SNURF: variants seen among roughly 807,000 people sequenced by gnomAD.
SNURF encodes SNURF protein.
A neutral mutation model predicts 11.6 loss-of-function variants in SNURF; 6 were observed. That is an observed-to-expected ratio of 0.52 (90% CI 0.28 to 1.02). The LOEUF (loss-of-function observed/expected upper bound fraction) is 1.02, where lower values mean the gene tolerates loss of function less well. Among genes scored for constraint, SNURF ranks in the 50% least tolerant of loss-of-function variants. The probability of loss-of-function intolerance (pLI) is 0.09; values close to 1 mark genes in which losing one functional copy is unlikely to be tolerated. For synonymous variants in SNURF, 29 were observed against 31.6 expected (o/e 0.92, Z 0.27); for missense variants, 84 against 88.4 (o/e 0.95, Z 0.20).
At chr15:24,961,723 A>AT (rs946538704) in intron 1 of SNURF, among the ~76,000 whole-genome samples, 1 of 152,094 alleles carries the variant, frequency 6.6e-6, no homozygotes, top group Non-Finnish European at 1.5e-5. Flanking sequence ...TCCTAAAAAT[A>AT]TTTTTTGAAA....
chr15:24,975,968 T>G (rs879575956), intron 4 of SNURF, among the ~76,000 whole-genome samples: 3 of 152,218 alleles, frequency 2.0e-5, no homozygotes, highest in Admixed American at 6.5e-5. Flanking sequence ...GATTTAATTA[T>G]TTAAGTAATT....
At chr15:24,960,313 T>C (rs2074557861) in intron 1 of SNURF, among the ~76,000 whole-genome samples, 1 of 152,180 alleles carries the variant, frequency 6.6e-6, no homozygotes, top group Non-Finnish European at 1.5e-5. Context: ...TTTACAAATA[T>C]TGTGGTGTCA....
chr15:24,976,746 T>C (rs1793628378), intron 5 of SNURF: 5 of 807,006 alleles, frequency 6.2e-6, no homozygotes, highest in Non-Finnish European at 1.0e-5. Context: ...TGCTTGTTTG[T>C]TCATTTGGAC....
rs2075934752 is a variant in SNURF at position 24,968,247 on chromosome 15, G to A, written c.*210G>A. ...AGTTTTGCAGGACCTTAAATTTTCT[G>A]CCCTGACACTTTCGTCATGTTTCTG... On this transcript the variant is annotated 3_prime_UTR_variant, in exon 3 of 3. Transcript: ENST00000577949. 7.4e-6 allele frequency: 4 copies of A among 539,120 alleles called. No individual in the cohort carries two copies. The South Asian group carries it at 8.6e-5, about 12-fold the overall frequency. 33.4% of individuals were successfully genotyped at this position (539,120 alleles called of 1,614,324 possible). A position where few individuals can be genotyped will look rare whatever the true frequency, so the allele number is the denominator to read the frequency against.
At chr15:24,968,320 T>G (rs1278325165) in exon 3 of SNURF, 1 of 305,332 alleles carries the variant, frequency 3.3e-6, no homozygotes, top group African/African-American at 2.2e-5. Context: ...TTCTTTTGCG[T>G]TTTTTTTAAT....
intron 1 of SNURF, among the ~76,000 whole-genome samples, chr15:24,955,977 C>T (rs1228394347): frequency 6.6e-6 from 1 of 151,958 alleles, no homozygotes; most frequent in Non-Finnish European, 1.5e-5. Flanking sequence ...CTTTAATTTT[C>T]CTGTGACCTG....
chr15:24,955,611 G>A (rs1362188547), intron 1 of SNURF, among the ~76,000 whole-genome samples: 2 of 146,508 alleles, frequency 1.4e-5, no homozygotes, highest in African/African-American at 5.1e-5. Context: ...ACTGGGGGGG[G>A]AATTCGTCGC....
At chr15:24,973,385 G>A (rs1322992341), downstream of SNURF, among the ~76,000 whole-genome samples, 8 of 151,958 alleles carry the variant, frequency 5.3e-5, no homozygotes, top group Admixed American at 3.9e-4. Flanking sequence ...TCCCCATTAC[G>A]TGACTTATTT....
intron 1 of SNURF, among the ~76,000 whole-genome samples, chr15:24,958,202 G>GT (rs933363680): frequency 1.3e-5 from 2 of 151,922 alleles, no homozygotes; most frequent in African/African-American, 4.8e-5. Context: ...AAACATCTTT[G>GT]TTTTACAAAA....
chr15:24,960,689 T>C (rs1231470641), intron 1 of SNURF, among the ~76,000 whole-genome samples: 1 of 152,186 alleles, frequency 6.6e-6, no homozygotes, highest in Non-Finnish European at 1.5e-5. Flanking sequence ...TGGAGGACTG[T>C]CTATTCAAGT....
intron 2 of SNURF, among the ~76,000 whole-genome samples, chr15:24,963,519 G>T (rs1186686393): frequency 6.6e-6 from 1 of 151,924 alleles, no homozygotes; most frequent in Non-Finnish European, 1.5e-5. Context: ...GGAGGCTGAG[G>T]CAGGAGAATT....
downstream of SNURF, chr15:24,978,198 A>G: frequency 6.2e-7 from 1 of 1,613,636 alleles, no homozygotes; most frequent in Non-Finnish European, 8.5e-7. Flanking sequence ...TGTAGGCATT[A>G]TGGCTCCTCC....
chr15:24,965,913 A>T (rs2075559670), intron 2 of SNURF, among the ~76,000 whole-genome samples: 1 of 145,170 alleles, frequency 6.9e-6, no homozygotes, highest in Non-Finnish European at 1.5e-5. Flanking sequence ...TATGAATAAT[A>T]ATCAGAAACT....
At chr15:24,978,418 C>T, downstream of SNURF, 1 of 1,613,902 alleles carries the variant, frequency 6.2e-7, no homozygotes, top group African/African-American at 1.3e-5. Flanking sequence ...TCCACCTCCC[C>T]CAGGAATGCG....
exon 1 of SNURF, chr15:24,955,000 G>T: frequency 6.2e-7 from 1 of 1,610,868 alleles, no homozygotes; most frequent in African/African-American, 1.3e-5. Flanking sequence ...GAGTGGAGCG[G>T]CCGCCGGAGA....
chr15:24,957,136 A>G (rs11636807), intron 1 of SNURF, among the ~76,000 whole-genome samples: 8,180 of 152,188 alleles, frequency 0.054, 240 homozygotes, highest in African/African-American at 0.066. Flanking sequence ...CATTTAATAA[A>G]TGTCACCATT....
intron 1 of SNURF, among the ~76,000 whole-genome samples, chr15:24,961,718 A>G (rs2074854266): frequency 6.6e-6 from 1 of 152,126 alleles, no homozygotes; most frequent in African/African-American, 2.4e-5. Context: ...CTGTATCCTA[A>G]AAATATTTTT....
chr15:24,964,839 C>T (rs544856732), intron 2 of SNURF, among the ~76,000 whole-genome samples: 4 of 152,070 alleles, frequency 2.6e-5, no homozygotes, highest in East Asian at 1.9e-4. Context: ...TGTGGGATGA[C>T]GTTAGCCTTC....
intron 2 of SNURF, among the ~76,000 whole-genome samples, chr15:24,964,626 G>A (rs17114912): frequency 0.04 from 6,032 of 152,006 alleles, 409 homozygotes; most frequent in African/African-American, 0.14. Flanking sequence ...CAGCTCTGAC[G>A]TTTTTTTAAA....
Sources: gnomAD v4.1 joint callset for allele counts (sites outside exome capture counted in the v4.1 genomes callset) on GRCh38, gnomAD v4.1.1 for gene constraint, MANE v1.5 for transcripts, NCBI Gene and HGNC (gene_info 2026-07-23, HGNC 2026-07-21) for gene names.